The following COA1 variants were observed in gnomAD, a reference collection of about 807,000 sequenced individuals.
COA1 encodes the protein cytochrome c oxidase assembly factor 1 homolog.
In COA1, 13 loss-of-function variants were observed where a neutral mutation model predicts 16.0. That is an observed-to-expected ratio of 0.81 (90% CI 0.53 to 1.29). COA1 has a LOEUF of 1.29. Among genes scored for constraint, COA1 ranks in the 50% most tolerant of loss-of-function variants. COA1 has a pLI of 0.00. For missense variants in COA1, 179 were observed against 177.0 expected (o/e 1.01, Z -0.06); for synonymous variants, 65 against 65.7 (o/e 0.99, Z 0.05).
At chr7:43,685,467 T>C (rs1460936555) in intron 1 of COA1, among the ~76,000 whole-genome samples, 1 of 152,224 alleles carries the variant, frequency 6.6e-6, no homozygotes, top group Admixed American at 6.5e-5. Flanking sequence ...AAGCTGCAAT[T>C]CTAGGAGCAA....
At chr7:43,722,370 C>T (rs1293938640) in intron 1 of COA1, among the ~76,000 whole-genome samples, 1 of 152,142 alleles carries the variant, frequency 6.6e-6, no homozygotes, top group African/African-American at 2.4e-5. Flanking sequence ...GCTGGGATTA[C>T]AGGCATGAGC....
rs752506213 is a variant in COA1 at position 43,639,696 on chromosome 7, A to T, written c.342-15T>A. On this transcript the variant is annotated splice_polypyrimidine_tract_variant and intron_variant, in intron 5 of 5. Coordinates refer to ENST00000223336, the MANE Select transcript of COA1 (RefSeq NM_018224.4). ...CAAGGTGCCACCTGAGAGAAACCAAAAGTATAGTATCTCTAATCTATGAAG... is the reference window on the plus strand; with the variant it reads ...CAAGGTGCCACCTGAGAGAAACCAATAGTATAGTATCTCTAATCTATGAAG... The T allele has an allele frequency of 1.3e-6, 2 of 1,595,494 alleles. No homozygotes were observed. The highest frequency in any genetic ancestry group is 2.2e-5 in the East Asian group (1 of 44,802).
intron 1 of COA1, among the ~76,000 whole-genome samples, chr7:43,724,835 G>A (rs1433507684): frequency 1.3e-5 from 2 of 152,212 alleles, no homozygotes; most frequent in Non-Finnish European, 2.9e-5. Flanking sequence ...ACTTTTATGA[G>A]GACCCTAGAA....
chr7:43,706,259 C>A (rs928342767), intron 1 of COA1, among the ~76,000 whole-genome samples: 1 of 152,098 alleles, frequency 6.6e-6, no homozygotes, highest in Non-Finnish European at 1.5e-5. Flanking sequence ...GAATCCAAGC[C>A]AGGCGCAGTG....
At chr7:43,644,764 A>ATT (rs1563228896) in intron 4 of COA1, among the ~76,000 whole-genome samples, 34 of 74,690 alleles carry the variant, frequency 4.6e-4, no homozygotes, top group African/African-American at 1.6e-3. Context: ...ATAGATAGGC[A>ATT]GGCAGGCAGG....
At chr7:43,641,558 T>C (rs1452611055) in intron 4 of COA1, 1 of 152,192 alleles carries the variant, frequency 6.6e-6, no homozygotes. Context: ...CAAAAAAAAT[T>C]CACTGTTTTA....
intron 1 of COA1, among the ~76,000 whole-genome samples, chr7:43,682,119 C>G (rs2130493389): frequency 6.6e-6 from 1 of 152,256 alleles, no homozygotes; most frequent in Non-Finnish European, 1.5e-5. Context: ...TTCCCATAGT[C>G]ATTCATGGTA....
At chr7:43,659,497 A>G (rs1340713791) in intron 1 of COA1, among the ~76,000 whole-genome samples, 1 of 152,248 alleles carries the variant, frequency 6.6e-6, no homozygotes, top group Non-Finnish European at 1.5e-5. Context: ...TAAAAACTTC[A>G]TGGAATGGAC....
At chr7:43,724,961 G>A (rs961223572) in intron 1 of COA1, among the ~76,000 whole-genome samples, 12 of 152,098 alleles carry the variant, frequency 7.9e-5, no homozygotes, top group African/African-American at 2.2e-4. Context: ...GCTCTGGGTC[G>A]GGCGCAGTGG....
chr7:43,684,547 T>C (rs1584953785), intron 1 of COA1, among the ~76,000 whole-genome samples: 1 of 152,262 alleles, frequency 6.6e-6, no homozygotes, highest in East Asian at 1.9e-4. Flanking sequence ...CCATATTCTA[T>C]TGGTCATAAT....
chr7:43,691,283 AAGAAAGAAAG>A (rs1563381604), intron 1 of COA1, among the ~76,000 whole-genome samples: 3 of 53,314 alleles, frequency 5.6e-5, no homozygotes, highest in African/African-American at 1.7e-4. Flanking sequence ...GAAAGAAAGA[AAGAAAGAAAG>A]AAAGAAAGAA....
chr7:43,619,137 C>T (rs964353621), intron 6 of COA1, among the ~76,000 whole-genome samples: 9 of 152,110 alleles, frequency 5.9e-5, no homozygotes, highest in Admixed American at 2.6e-4. Flanking sequence ...AAGACACAGA[C>T]GGGATTTGGT....
chr7:43,688,752 T>C (rs1408884816), intron 1 of COA1, among the ~76,000 whole-genome samples: 4 of 152,164 alleles, frequency 2.6e-5, no homozygotes, highest in Non-Finnish European at 5.9e-5. Context: ...AGGCCCAAAA[T>C]GGCTGTTTGA....
chr7:43,704,273 G>A (rs1357079457), intron 1 of COA1, among the ~76,000 whole-genome samples: 1 of 152,118 alleles, frequency 6.6e-6, no homozygotes. Context: ...TGGACAACCT[G>A]GTGACTATGT....
intron 6 of COA1, among the ~76,000 whole-genome samples, chr7:43,630,389 TCA>T (rs1301566417): frequency 2.6e-5 from 4 of 152,324 alleles, no homozygotes; most frequent in African/African-American, 7.2e-5. Flanking sequence ...GAAAAGTATC[TCA>T]GTTTCAATAC....
intron 1 of COA1, among the ~76,000 whole-genome samples, chr7:43,655,775 T>C (rs2091623504): frequency 6.6e-6 from 1 of 152,212 alleles, no homozygotes; most frequent in African/African-American, 2.4e-5. Flanking sequence ...TATGACTCGC[T>C]TCAACCAACA....
rs1260082945 is a variant in COA1, at chr7:43,624,828, G to T, written c.*133+14621C>A. ...ACCTTTGCTACAAGAAATTCCAGGA[G>T]AATTTATCTACTGAGCAATATTTCC... On this transcript the variant is annotated intron_variant and NMD_transcript_variant, in intron 6 of 6. Transcript: ENST00000415076. 3 of 1,601,238 alleles carry T rather than the reference G, an allele frequency of 1.9e-6. No individual in the cohort carries two copies. The South Asian group carries it at 3.4e-5, about 18-fold the overall frequency.
At chr7:43,651,827 ACT>A (rs1004098988) in intron 1 of COA1, among the ~76,000 whole-genome samples, 2 of 151,990 alleles carry the variant, frequency 1.3e-5, no homozygotes, top group African/African-American at 4.8e-5. Flanking sequence ...TGGAACCGAA[ACT>A]CTACAAAAAA....
intron 1 of COA1, among the ~76,000 whole-genome samples, chr7:43,665,128 G>A (rs1255852633): frequency 2.0e-5 from 3 of 151,724 alleles, no homozygotes; most frequent in African/African-American, 7.3e-5. Context: ...AATGGCTTTT[G>A]GTGGAAAAAA....
Sources: allele counts gnomAD v4.1 joint callset (sites outside exome capture counted in the v4.1 genomes callset), GRCh38; gene constraint gnomAD v4.1.1; transcripts MANE v1.5; gene names NCBI Gene and HGNC (gene_info 2026-07-23, HGNC 2026-07-21).